The following ST7L variants were observed in gnomAD, a reference collection of about 807,000 sequenced individuals.
ST7L encodes the protein suppression of tumorigenicity 7 like, also known as suppressor of tumorigenicity 7 protein-like.
ST7L carries 57 observed loss-of-function variants against 72.5 expected under a neutral mutation model. That is an observed-to-expected ratio of 0.79 (90% CI 0.64 to 0.98). ST7L has a LOEUF of 0.98. Ranked by LOEUF, ST7L falls within the 50% of genes least tolerant of loss-of-function variation. ST7L has a pLI of 0.00. For missense variants in ST7L, 576 were observed against 672.2 expected (o/e 0.86, Z 1.58); for synonymous variants, 221 against 240.9 (o/e 0.92, Z 0.77).
chr1:112,578,738 C>T (rs959768881), intron 9 of ST7L, among the ~76,000 whole-genome samples: 1 of 152,054 alleles, frequency 6.6e-6, no homozygotes, highest in Non-Finnish European at 1.5e-5. Context: ...TGCGCCATTG[C>T]GCTCCAGCCT....
chr1:112,555,022 T>C (rs747050061), intron 12 of ST7L, among the ~76,000 whole-genome samples: 2 of 152,030 alleles, frequency 1.3e-5, no homozygotes, highest in Admixed American at 6.6e-5. Flanking sequence ...AGAATTTCAG[T>C]TTGGGATAAT....
At chr1:112,564,212 T>C (rs1308494900) in intron 11 of ST7L, among the ~76,000 whole-genome samples, 1 of 152,166 alleles carries the variant, frequency 6.6e-6, no homozygotes, top group Non-Finnish European at 1.5e-5. Context: ...AAGTGACTTA[T>C]ACTGAAGGGA....
At chr1:112,608,643 TTGAACGCTGAGCTTCA>T (rs1668630683) in intron 3 of ST7L, among the ~76,000 whole-genome samples, 1 of 152,224 alleles carries the variant, frequency 6.6e-6, no homozygotes, top group Admixed American at 6.5e-5. Context: ...TATTTATATA[TTGAACGCTGAGCTTCA>T]TGAGGACAGA....
chr1:112,523,290 T>C (rs1288155983), downstream of ST7L: 1 of 152,178 alleles, frequency 6.6e-6, no homozygotes, highest in Non-Finnish European at 1.5e-5. Context: ...CAATTTCCTA[T>C]AAATGGTTAA....
At chr1:112,545,055 G>C (rs979365075) in intron 13 of ST7L, among the ~76,000 whole-genome samples, 1 of 152,128 alleles carries the variant, frequency 6.6e-6, no homozygotes, top group Non-Finnish European at 1.5e-5. Context: ...GCAAATTCCA[G>C]AATGCGGTAA....
chr1:112,613,008 A>G (rs1669305343), intron 2 of ST7L, among the ~76,000 whole-genome samples: 1 of 151,760 alleles, frequency 6.6e-6, no homozygotes, highest in South Asian at 2.1e-4. Context: ...AGTCCCAGCT[A>G]CTTTGGAGGC....
At chr1:112,577,190 G>T in intron 10 of ST7L, 102 bp from the exon 11 acceptor site, 1 of 644,992 alleles carries the variant, frequency 1.6e-6, no homozygotes, top group Non-Finnish European at 2.4e-6. Flanking sequence ...AGAAGTTTCT[G>T]GAGATGGCCA....
At chr1:112,588,421 T>C (rs369585950) in intron 6 of ST7L, among the ~76,000 whole-genome samples, 2 of 152,226 alleles carry the variant, frequency 1.3e-5, no homozygotes, top group South Asian at 4.1e-4. Flanking sequence ...TATTTAGCTG[T>C]AGATTTTTCA....
rs975840030 is a variant in ST7L at position 112,540,063 on chromosome 1, G to A, written c.1629+1888C>T. On this transcript the variant is annotated intron_variant, in intron 14 of 14. Coordinates refer to ENST00000358039, the MANE Select transcript of ST7L (RefSeq NM_017744.5). ...GCTAAGGAACTTATGCTATGTAATCGTAAAGATTCTTCTGGTGCCATTAGT... is the reference window on the plus strand; with the variant it reads ...GCTAAGGAACTTATGCTATGTAATCATAAAGATTCTTCTGGTGCCATTAGT... 16 of 985,214 alleles carry A rather than the reference G, an allele frequency of 1.6e-5. No individual in the cohort carries two copies. The African/African-American group carries it at 2.1e-4, about 13-fold the overall frequency. The allele number at this position is 985,214 out of a possible 1,614,324, so 61.0% of individuals were successfully genotyped here.
intron 14 of ST7L, among the ~76,000 whole-genome samples, chr1:112,535,879 G>A (rs2101283580): frequency 6.6e-6 from 1 of 152,266 alleles, no homozygotes; most frequent in Non-Finnish European, 1.5e-5. Context: ...GATGAAACAT[G>A]AGAAATACCC....
intron 3 of ST7L, among the ~76,000 whole-genome samples, chr1:112,608,774 T>C (rs1436807951): frequency 1.3e-5 from 2 of 152,198 alleles, no homozygotes; most frequent in African/African-American, 4.8e-5. Context: ...CTTCTTGTAC[T>C]CTTGAATGGC....
rs532598366 is a variant in ST7L at position 112,618,351 on chromosome 1, T to C, written c.205+558A>G. 4 of 799,724 alleles carry C rather than the reference T, an allele frequency of 5.0e-6. No homozygotes were observed. In the South Asian group the frequency reaches 1.9e-4, roughly 39 times the overall value. 49.5% of individuals were successfully genotyped at this position (799,724 alleles called of 1,614,324 possible). On this transcript the variant is annotated intron_variant, in intron 1 of 14. Transcript: ENST00000358039. ...GTGGCGCTCTCACTTCCTGTACTAT[T>C]TTATTACTCAAGATAAGCCTAAAAG...
At chr1:112,596,901 T>G (rs1666563394) in intron 5 of ST7L, among the ~76,000 whole-genome samples, 1 of 152,178 alleles carries the variant, frequency 6.6e-6, no homozygotes. Context: ...CCTCCCAAAG[T>G]GCTGGGATTA....
chr1:112,543,487 G>A (rs1656524543), intron 13 of ST7L, among the ~76,000 whole-genome samples: 2 of 152,336 alleles, frequency 1.3e-5, no homozygotes, highest in South Asian at 4.1e-4. Flanking sequence ...GGCGGAGGGT[G>A]CAGTGAGCTG....
At chr1:112,607,859 G>A (rs7527076) in intron 3 of ST7L, among the ~76,000 whole-genome samples, 32,734 of 151,972 alleles carry the variant, frequency 0.22, 3,745 homozygotes, top group Middle Eastern at 0.26. Flanking sequence ...CTAGCAAAGA[G>A]TTAGAAATGT....
At chr1:112,565,635 A>G (rs976775789) in intron 11 of ST7L, among the ~76,000 whole-genome samples, 7 of 152,128 alleles carry the variant, frequency 4.6e-5, no homozygotes, top group African/African-American at 1.2e-4. Context: ...CCACTACCTC[A>G]TCTCAACAAA....
downstream of ST7L, chr1:112,521,716 A>C (rs1652892700): frequency 6.6e-6 from 1 of 152,178 alleles, no homozygotes; most frequent in South Asian, 2.1e-4. Context: ...TTAATGGGTA[A>C]TGCTATTACC....
chr1:112,619,403 C>T, upstream of ST7L: 8 of 548,902 alleles, frequency 1.5e-5, no homozygotes, highest in South Asian at 2.0e-4. Flanking sequence ...TCACCTTTCA[C>T]ACCGCCCCCC....
chr1:112,617,873 G>A (rs1557717144), intron 1 of ST7L: 1 of 592,700 alleles, frequency 1.7e-6, no homozygotes, highest in Non-Finnish European at 2.6e-6. Context: ...AGAAACCACC[G>A]TTAAGCACTT....
Sources: gnomAD v4.1 joint callset for allele counts (sites outside exome capture counted in the v4.1 genomes callset) on GRCh38, gnomAD v4.1.1 for gene constraint, MANE v1.5 for transcripts, NCBI Gene and HGNC (gene_info 2026-07-23, HGNC 2026-07-21) for gene names.